COL26A1: variants seen among roughly 807,000 people sequenced by gnomAD.
The protein encoded by COL26A1 is collagen type XXVI alpha 1 chain.
In COL26A1, 41 loss-of-function variants were observed where a neutral mutation model predicts 59.3. The observed-to-expected ratio is 0.69, with a 90% CI of 0.54 to 0.90. The LOEUF (loss-of-function observed/expected upper bound fraction) is 0.90. Ranked by LOEUF, COL26A1 falls within the 40% of genes least tolerant of loss-of-function variation. The pLI, the probability that COL26A1 is intolerant of heterozygous loss-of-function variation, is 0.00. For synonymous variants in COL26A1, 266 were observed against 256.0 expected (o/e 1.04, Z -0.37); for missense variants, 612 against 602.3 (o/e 1.02, Z -0.17).
chr7:101,388,201 C>T (rs372363845), intron 1 of COL26A1, among the ~76,000 whole-genome samples: 2 of 151,848 alleles, frequency 1.3e-5, no homozygotes, highest in East Asian at 4.0e-4. Flanking sequence ...GGCCGGGCGC[C>T]GTGGCTCACG....
At chr7:101,374,441 T>C (rs985881553) in intron 1 of COL26A1, among the ~76,000 whole-genome samples, 16 of 152,040 alleles carry the variant, frequency 1.1e-4, no homozygotes, top group African/African-American at 3.9e-4. Context: ...AGGAGGTGAG[T>C]GATAGGCGAA....
At chr7:101,524,230 C>G (rs1296988909) in intron 3 of COL26A1, among the ~76,000 whole-genome samples, 1 of 150,670 alleles carries the variant, frequency 6.6e-6, no homozygotes, top group Non-Finnish European at 1.5e-5. Flanking sequence ...AAGATGGCAT[C>G]ACTGCACTCC....
At chr7:101,435,675 G>T (rs1046921075) in intron 2 of COL26A1, among the ~76,000 whole-genome samples, 2 of 152,174 alleles carry the variant, frequency 1.3e-5, no homozygotes, top group Non-Finnish European at 2.9e-5. Flanking sequence ...GCTGGGACGG[G>T]CTGGGGCTCT....
At chr7:101,458,159 G>A (rs1793522770) in intron 3 of COL26A1, among the ~76,000 whole-genome samples, 1 of 152,094 alleles carries the variant, frequency 6.6e-6, no homozygotes, top group East Asian at 1.9e-4. Context: ...GCCTTCTGAA[G>A]TGCTGGGATT....
Position 101,557,485 on chromosome 7 carries a change from C to A in COL26A1, c.1281C>A (p.Pro427=). Residue 427 remains proline, a synonymous_variant, in exon 13 of 13, where the codon CCC becomes CCA. Transcript: ENST00000313669. The part of the protein sequence containing the change: ...PDGVLAALLG[P]DPGQKSVDQA... ...GGGTCCTTGCTGCCCTGCTTGGGCCCGACCCTGGACAGAAGAGCGTGGACC... is the reference window on the plus strand; with the variant it reads ...GGGTCCTTGCTGCCCTGCTTGGGCCAGACCCTGGACAGAAGAGCGTGGACC... 1 of 1,613,490 alleles carries A rather than the reference C, an allele frequency of 6.2e-7. No homozygotes were observed. The highest frequency in any genetic ancestry group is 1.7e-5 in the Admixed American group (1 of 59,994).
At chr7:101,377,117 G>A (rs10281669) in intron 1 of COL26A1, among the ~76,000 whole-genome samples, 2 of 151,942 alleles carry the variant, frequency 1.3e-5, no homozygotes, top group Non-Finnish European at 2.9e-5. Context: ...CCTCGGCCTC[G>A]CAAAGTGCTG....
intron 5 of COL26A1, 33 bp downstream of exon 5, chr7:101,540,082 G>A (rs779379258): frequency 1.1e-5 from 17 of 1,587,226 alleles, no homozygotes; most frequent in Admixed American, 3.5e-5. Flanking sequence ...ACAGGCTGGG[G>A]CAGCCGAAGG....
chr7:101,500,299 G>T (rs962670205), intron 3 of COL26A1, among the ~76,000 whole-genome samples: 3 of 152,174 alleles, frequency 2.0e-5, no homozygotes, highest in Non-Finnish European at 4.4e-5. Context: ...TCCTCTCTGG[G>T]CTACAAGGCT....
At chr7:101,397,862 A>G (rs1791897102) in intron 1 of COL26A1, among the ~76,000 whole-genome samples, 1 of 152,176 alleles carries the variant, frequency 6.6e-6, no homozygotes, top group African/African-American at 2.4e-5. Context: ...TCAACTATAC[A>G]GCTTGATGAG....
intron 3 of COL26A1, among the ~76,000 whole-genome samples, chr7:101,473,658 ACACAC>A: frequency 4.1e-5 from 6 of 147,958 alleles, no homozygotes; most frequent in Admixed American, 6.8e-5. Flanking sequence ...ACACACAAAC[ACACAC>A]AACAAAAAAC....
intron 3 of COL26A1, among the ~76,000 whole-genome samples, chr7:101,505,515 A>G (rs760439701): frequency 3.9e-5 from 6 of 152,224 alleles, no homozygotes; most frequent in Non-Finnish European, 7.3e-5. Context: ...AGGTCCCACA[A>G]TAGGCCGTCT....
chr7:101,499,070 C>T (rs1054487749), intron 3 of COL26A1, among the ~76,000 whole-genome samples: 13 of 152,158 alleles, frequency 8.5e-5, no homozygotes, highest in East Asian at 1.9e-4. Flanking sequence ...AGATTGGGGG[C>T]GCGAGGCATA....
intron 11 of COL26A1, among the ~76,000 whole-genome samples, chr7:101,554,553 G>A (rs945013801): frequency 6.8e-5 from 9 of 132,232 alleles, no homozygotes; most frequent in Non-Finnish European, 1.4e-4. Context: ...GAAACCTAGC[G>A]AGACCCCATT....
chr7:101,462,621 C>A (rs1793643051), intron 3 of COL26A1, among the ~76,000 whole-genome samples: 1 of 152,114 alleles, frequency 6.6e-6, no homozygotes, highest in African/African-American at 2.4e-5. Flanking sequence ...CCGGCCTTAA[C>A]TTCATGTATT....
intron 3 of COL26A1, among the ~76,000 whole-genome samples, chr7:101,476,142 T>TTGTGTGTGTGTGTGTGTGTG (rs56666965): frequency 1.0e-4 from 15 of 146,234 alleles, no homozygotes; most frequent in African/African-American, 3.5e-4. Flanking sequence ...TCCCAGCTAA[T>TTGTGTGTGTGTGTGTGTGTG]TGTGTGTGTG....
intron 3 of COL26A1, among the ~76,000 whole-genome samples, chr7:101,463,831 TC>T (rs1207780884): frequency 8.6e-6 from 1 of 116,902 alleles, no homozygotes; most frequent in African/African-American, 3.2e-5. Context: ...CCTTCCTTCC[TC>T]CTTCCTTCCC....
chr7:101,435,696 A>AGACCCTGG (rs1201519188), intron 2 of COL26A1, among the ~76,000 whole-genome samples: 1 of 152,120 alleles, frequency 6.6e-6, no homozygotes, highest in African/African-American at 2.4e-5. Flanking sequence ...GGGGCCTGAT[A>AGACCCTGG]GACTTAGAAG....
intron 3 of COL26A1, among the ~76,000 whole-genome samples, chr7:101,448,960 T>C (rs1287630585): frequency 2.0e-5 from 3 of 152,214 alleles, no homozygotes; most frequent in Non-Finnish European, 4.4e-5. Flanking sequence ...AATAACGCAA[T>C]TGACAGAAAT....
At chr7:101,438,283 C>T (rs1792965370) in intron 2 of COL26A1, among the ~76,000 whole-genome samples, 3 of 151,498 alleles carry the variant, frequency 2.0e-5, no homozygotes, top group African/African-American at 7.3e-5. Flanking sequence ...ATCACTTAAA[C>T]CTGGAAGGTG....
Sources: allele counts gnomAD v4.1 joint callset (sites outside exome capture counted in the v4.1 genomes callset), GRCh38; gene constraint gnomAD v4.1.1; transcripts MANE v1.5; gene names NCBI Gene and HGNC (gene_info 2026-07-23, HGNC 2026-07-21).